The following HSPA12A variants were observed in gnomAD, a reference collection of about 807,000 sequenced individuals.
HSPA12A encodes the protein heat shock protein family A (Hsp70) member 12A.
In HSPA12A, 28 loss-of-function variants were observed where a neutral mutation model predicts 69.2. The observed-to-expected ratio is 0.40, with a 90% CI of 0.30 to 0.55. The LOEUF is 0.55. Among genes scored for constraint, HSPA12A ranks in the 20% least tolerant of loss-of-function variants. The probability of loss-of-function intolerance (pLI) is 0.38; values close to 1 mark genes in which losing one functional copy is unlikely to be tolerated. For synonymous variants in HSPA12A, 345 were observed against 370.5 expected (o/e 0.93, Z 0.79); for missense variants, 686 against 900.7 (o/e 0.76, Z 3.05).
intron 10 of HSPA12A, 132 bp downstream of exon 10, chr10:116,679,371 T>C: frequency 9.6e-7 from 1 of 1,044,206 alleles, no homozygotes; most frequent in Non-Finnish European, 1.4e-6. Flanking sequence ...GAAGAGAAGT[T>C]GAGTCCCTTG....
At chr10:116,702,318 C>T (rs1328098209) in intron 3 of HSPA12A, among the ~76,000 whole-genome samples, 1 of 152,178 alleles carries the variant, frequency 6.6e-6, no homozygotes, top group East Asian at 1.9e-4. Flanking sequence ...ATGCACAGCC[C>T]GTGCGCCCTC....
intron 2 of HSPA12A, among the ~76,000 whole-genome samples, chr10:116,816,190 T>C (rs1330680583): frequency 1.3e-5 from 2 of 152,268 alleles, no homozygotes; most frequent in Non-Finnish European, 2.9e-5. Context: ...TTACTCAGCC[T>C]GATTACTCAG....
intron 2 of HSPA12A, among the ~76,000 whole-genome samples, chr10:116,809,067 T>G (rs1431235109): frequency 6.6e-6 from 1 of 152,148 alleles, no homozygotes; most frequent in African/African-American, 2.4e-5. Flanking sequence ...GGGCACATGC[T>G]TCCTGGGACA....
chr10:116,801,028 T>C (rs906232486), intron 2 of HSPA12A, among the ~76,000 whole-genome samples: 4 of 152,224 alleles, frequency 2.6e-5, no homozygotes. Flanking sequence ...CAGAGGGATG[T>C]GAATCACAGT....
chr10:116,713,013 T>C (rs1194170677), intron 1 of HSPA12A, among the ~76,000 whole-genome samples: 1 of 135,402 alleles, frequency 7.4e-6, no homozygotes, highest in Admixed American at 7.4e-5. Context: ...TATATATATT[T>C]GCATTTCTTT....
intron 10 of HSPA12A, among the ~76,000 whole-genome samples, chr10:116,677,376 G>A (rs1440256163): frequency 6.6e-6 from 1 of 152,218 alleles, no homozygotes; most frequent in Non-Finnish European, 1.5e-5. Flanking sequence ...GATGCTGGAC[G>A]GGAATCTAGA....
At chr10:116,818,454 GTC>G (rs1396701072) in intron 2 of HSPA12A, among the ~76,000 whole-genome samples, 5 of 152,084 alleles carry the variant, frequency 3.3e-5, no homozygotes, top group Non-Finnish European at 5.9e-5. Flanking sequence ...ATCATAGGTT[GTC>G]TCTCTTGGCC....
At chr10:116,741,106 G>A (rs1241952476) in intron 1 of HSPA12A, among the ~76,000 whole-genome samples, 1 of 152,176 alleles carries the variant, frequency 6.6e-6, no homozygotes, top group Non-Finnish European at 1.5e-5. Context: ...GACGGCCTGG[G>A]CTCTCCGCTG....
chr10:116,779,972 ACCTACCTAGAGGAGGCAGGCAC>A (rs2133133370), intron 2 of HSPA12A, among the ~76,000 whole-genome samples: 1 of 152,176 alleles, frequency 6.6e-6, no homozygotes, highest in East Asian at 1.9e-4. Flanking sequence ...AGGAGCTTCG[ACCTACCTAGAGGAGGCAGGCAC>A]CCAGGCCAGC....
intron 2 of HSPA12A, among the ~76,000 whole-genome samples, chr10:116,802,490 A>T (rs191315841): frequency 6.6e-6 from 1 of 152,342 alleles, no homozygotes; most frequent in Non-Finnish European, 1.5e-5. Context: ...GGTCACAGTG[A>T]TTGCTTCCCG....
intron 6 of HSPA12A, among the ~76,000 whole-genome samples, chr10:116,687,098 C>T (rs899580995): frequency 2.6e-5 from 4 of 152,192 alleles, no homozygotes; most frequent in Admixed American, 6.5e-5. Context: ...AACTGTCCCC[C>T]GCCCAGGACA....
intron 2 of HSPA12A, among the ~76,000 whole-genome samples, chr10:116,795,286 T>C (rs1844793666): frequency 6.6e-6 from 1 of 152,224 alleles, no homozygotes; most frequent in African/African-American, 2.4e-5. Flanking sequence ...CTTGGGCACA[T>C]ATTTATTTTA....
At chr10:116,720,338 T>C (rs1429588593) in intron 1 of HSPA12A, among the ~76,000 whole-genome samples, 1 of 152,208 alleles carries the variant, frequency 6.6e-6, no homozygotes, top group Admixed American at 6.5e-5. Context: ...GTGGTTAATC[T>C]AGCTGCGGAC....
chr10:116,675,382 T>G lies in HSPA12A; in HGVS notation c.1427A>C (p.Lys476Thr). 1 of 1,607,956 alleles carries G rather than the reference T, an allele frequency of 6.2e-7. No homozygotes were observed. Among genetic ancestry groups the G allele is most frequent in the Non-Finnish European group, 8.5e-7 (1 of 1,177,694 alleles). ...AAAGCCGCCCACCAGAAAGAGGAAC[T>G]TGACGGTGGACACCTCGGGCTTCTG... is the stretch of plus-strand genomic sequence containing the variant. ...LFQKPEVSTV[K>T]FLFLVGGFAE... Residue 476 changes from lysine (K) to threonine (T), a missense_variant, in exon 12 of 12, where the codon AAG becomes ACG. Lys to Thr is a moderately conservative substitution (Grantham distance 78). Transcript: ENST00000369209. The surrounding 1 kb of genome is among the most constrained non-coding windows in gnomAD (Gnocchi z 5.2).
chr10:116,767,924 A>G (rs1261103983), intron 2 of HSPA12A, among the ~76,000 whole-genome samples: 1 of 152,198 alleles, frequency 6.6e-6, no homozygotes, highest in Non-Finnish European at 1.5e-5. Flanking sequence ...GGGCTACAAA[A>G]ACAGCCTTAA....
intron 2 of HSPA12A, chr10:116,750,202 T>G (rs1554888193): frequency 5.7e-6 from 4 of 703,608 alleles, no homozygotes; most frequent in Non-Finnish European, 5.2e-6. Context: ...CACATTGTCC[T>G]GGCCTGCTGC....
chr10:116,801,871 C>T (rs1199985194), intron 2 of HSPA12A, among the ~76,000 whole-genome samples: 2 of 151,986 alleles, frequency 1.3e-5, no homozygotes. Flanking sequence ...CTCTGGGGGA[C>T]GCTGGGTGAA....
intron 2 of HSPA12A, chr10:116,829,507 G>A (rs1015564254): frequency 2.0e-5 from 3 of 152,466 alleles, no homozygotes; most frequent in African/African-American, 7.2e-5. Flanking sequence ...CTGGGAAGGG[G>A]AGCCAAGGCG....
chr10:116,753,825 C>T (rs546209782), intron 2 of HSPA12A, among the ~76,000 whole-genome samples: 1 of 152,256 alleles, frequency 6.6e-6, no homozygotes, highest in South Asian at 2.1e-4. Context: ...GAGTCTGGCA[C>T]GTGGTACCCA....
Sources: allele counts gnomAD v4.1 joint callset (sites outside exome capture counted in the v4.1 genomes callset), GRCh38; gene constraint gnomAD v4.1.1; non-coding constraint Gnocchi (gnomAD v3.1); transcripts MANE v1.5; gene names NCBI Gene and HGNC (gene_info 2026-07-23, HGNC 2026-07-21).